The following KMT2C variants were observed in gnomAD, a reference collection of about 807,000 sequenced individuals.
The protein encoded by KMT2C is lysine methyltransferase 2C.
Under a neutral mutation model 507.9 loss-of-function variants are expected in KMT2C, and 88 were observed. That is an observed-to-expected ratio of 0.17 (90% CI 0.15 to 0.21). The LOEUF is 0.21. Among genes scored for constraint, KMT2C ranks in the 10% least tolerant of loss-of-function variants. KMT2C has a pLI of 1.00. For missense variants in KMT2C, 4,954 were observed against 5,957.8 expected (o/e 0.83, Z 5.55); for synonymous variants, 2,049 against 2,080.8 (o/e 0.98, Z 0.42).
At chr7:152,226,368 G>A (rs1263619650) in intron 18 of KMT2C, among the ~76,000 whole-genome samples, 2 of 151,782 alleles carry the variant, frequency 1.3e-5, no homozygotes, top group East Asian at 3.9e-4. Flanking sequence ...GAGTAACTAG[G>A]ACTACAGGAA....
rs75249441 is a variant in KMT2C, at chr7:152,196,787, G to A, written c.4274-776C>T. Among the ~76,000 whole-genome samples, 1,300 of 152,246 alleles carry A rather than the reference G, an allele frequency of 8.5e-3. 20 individuals carry two copies. The highest frequency in any genetic ancestry group is 0.03 in the African/African-American group (1,253 of 41,558). ...TGACTGAGCATAAAACTAAATGAGG[G>A]AGTAAGTTATATGCACAAAGATGGA... On this transcript the variant is annotated intron_variant, in intron 27 of 58. Transcript: ENST00000262189.
chr7:152,175,479 C>G (rs544495912), intron 38 of KMT2C, among the ~76,000 whole-genome samples: 4 of 151,738 alleles, frequency 2.6e-5, no homozygotes, highest in Non-Finnish European at 5.9e-5. Context: ...GCCCCCCACC[C>G]CCGACAGGTT....
intron 6 of KMT2C, among the ~76,000 whole-genome samples, chr7:152,276,825 T>A (rs1352346662): frequency 2.0e-5 from 3 of 151,966 alleles, no homozygotes; most frequent in Non-Finnish European, 2.9e-5. Flanking sequence ...ATAATGAAAA[T>A]TCCTAGACAG....
chr7:152,271,491 G>A (rs1002892434), intron 7 of KMT2C, among the ~76,000 whole-genome samples: 2 of 151,952 alleles, frequency 1.3e-5, no homozygotes, highest in African/African-American at 4.8e-5. Flanking sequence ...AGCCAACACA[G>A]TGAAACCCTG....
intron 1 of KMT2C, among the ~76,000 whole-genome samples, chr7:152,404,630 T>TGAAAAAA (rs113947433): frequency 0.013 from 591 of 46,030 alleles, no homozygotes; most frequent in East Asian, 0.053. Context: ...GACTCAGGTC[T>TGAAAAAA]CAAAAAAAAA....
chr7:152,196,091 C>A, intron 27 of KMT2C, 80 bp from the exon 28 acceptor site: 1 of 679,434 alleles, frequency 1.5e-6, no homozygotes, highest in Non-Finnish European at 2.3e-6. Context: ...TAGAGTACAG[C>A]AGATACTGAG....
chr7:152,374,036 G>A (rs2097310333), intron 1 of KMT2C, among the ~76,000 whole-genome samples: 1 of 152,160 alleles, frequency 6.6e-6, no homozygotes, highest in Non-Finnish European at 1.5e-5. Flanking sequence ...CTACTGGTCA[G>A]GCCTGGTAGC....
chr7:152,256,981 G>A (rs1438251951), intron 9 of KMT2C, among the ~76,000 whole-genome samples: 1 of 152,184 alleles, frequency 6.6e-6, no homozygotes, highest in Non-Finnish European at 1.5e-5. Flanking sequence ...GTACACTCCT[G>A]AGGCAATAAT....
Position 152,425,763 on chromosome 7 carries a change from G to T in KMT2C, c.161+9863C>A, listed in dbSNP as rs1350884421. Reference sequence around the variant, plus strand: ...AGGAAATCAAGGAAATTCTTTTTTTGCTAGGCTCCACTAAAAGAACACCAC... The same window carrying T: ...AGGAAATCAAGGAAATTCTTTTTTTTCTAGGCTCCACTAAAAGAACACCAC... On this transcript the variant is annotated intron_variant, in intron 1 of 58. Coordinates refer to ENST00000262189, the MANE Select transcript of KMT2C (RefSeq NM_170606.3). 2.0e-5 allele frequency among the ~76,000 whole-genome samples: 3 copies of T among 151,752 alleles called. No individual in the cohort carries two copies. The East Asian group carries it at 5.8e-4, about 29-fold the overall frequency.
At chr7:152,239,641 A>T (rs2095348411) in intron 14 of KMT2C, among the ~76,000 whole-genome samples, 1 of 152,200 alleles carries the variant, frequency 6.6e-6, no homozygotes. Flanking sequence ...CACATTCAGC[A>T]ATACCCTGAA....
chr7:152,174,214 C>T lies in KMT2C; in HGVS notation c.9291G>A (p.Met3097Ile), dbSNP rs747180312. The change falls in exon 39 of 59, where the codon ATG becomes ATA. Residue 3097 changes from methionine to isoleucine, a missense_variant. Physicochemically the swap from Met to Ile is conservative, Grantham distance 10. Transcript: ENST00000262189. ...CTTTAAGGGCCACCATTTTGGCTTT[C>T]ATTATAGGATCTGTAATTGCATCAA... is the stretch of plus-strand genomic sequence containing the variant. ...IDFDAITDPIMKAKMVALKGI... is the reference protein window; with the variant it reads ...IDFDAITDPIIKAKMVALKGI... The T allele has an allele frequency of 1.9e-6, 3 of 1,600,272 alleles. No homozygotes were observed. The South Asian group carries it at 3.3e-5, about 18-fold the overall frequency.
At chr7:152,320,094 A>G (rs771466095) in intron 3 of KMT2C, among the ~76,000 whole-genome samples, 7 of 152,110 alleles carry the variant, frequency 4.6e-5, no homozygotes, top group African/African-American at 7.2e-5. Flanking sequence ...TCGTCTCCGC[A>G]CACGGGGAGA....
intron 3 of KMT2C, among the ~76,000 whole-genome samples, chr7:152,320,256 T>C (rs1455900739): frequency 6.6e-6 from 1 of 152,166 alleles, no homozygotes; most frequent in Non-Finnish European, 1.5e-5. Flanking sequence ...CATTTTGTTT[T>C]TGTTTTTTTT....
rs1588948776 is a variant in KMT2C, at chr7:152,290,274, A to G, written c.850-16407T>C. On this transcript the variant is annotated intron_variant, in intron 6 of 58. Coordinates refer to ENST00000262189, the MANE Select transcript of KMT2C (RefSeq NM_170606.3). ...TGTGTATGTGTATATATATATATAT[A>G]TATATATATATATATATATATTTTT... Among the ~76,000 whole-genome samples the G allele has an allele frequency of 1.5e-3, 39 of 25,204 alleles. 3 individuals carry two copies. The highest frequency in any genetic ancestry group is 5.2e-3 in the African/African-American group (25 of 4,824). 16.5% of individuals were successfully genotyped at this position (25,204 alleles called of 152,430 possible). A position where few individuals can be genotyped will look rare whatever the true frequency, so the allele number is the denominator to read the frequency against.
chr7:152,166,793 T>C (rs1473667441), intron 42 of KMT2C, among the ~76,000 whole-genome samples: 1 of 152,168 alleles, frequency 6.6e-6, no homozygotes, highest in African/African-American at 2.4e-5. Flanking sequence ...ATACTCTCAA[T>C]GATGTATAAC....
At chr7:152,375,355 A>G (rs1446700242) in intron 1 of KMT2C, among the ~76,000 whole-genome samples, 1 of 151,314 alleles carries the variant, frequency 6.6e-6, no homozygotes, top group East Asian at 2.0e-4. Flanking sequence ...TTTTTTTAAA[A>G]TAGCAAAGGC....
intron 6 of KMT2C, among the ~76,000 whole-genome samples, chr7:152,301,305 C>T (rs1304177160): frequency 6.6e-6 from 1 of 151,540 alleles, no homozygotes; most frequent in African/African-American, 2.4e-5. Context: ...GAGTTCGAGA[C>T]CAGCCTGGCC....
chr7:152,209,937 GCAGAAGT>G (rs1367984595), intron 23 of KMT2C, among the ~76,000 whole-genome samples: 1 of 152,088 alleles, frequency 6.6e-6, no homozygotes, highest in African/African-American at 2.4e-5. Flanking sequence ...TTAATTATCT[GCAGAAGT>G]CATACTCCCT....
rs191277749 is a variant in KMT2C, at chr7:152,223,753, T to C, written c.3323+262A>G. Among the ~76,000 whole-genome samples, 247 of 152,202 alleles carry C rather than the reference T, an allele frequency of 1.6e-3. 2 individuals are homozygous for C. Among genetic ancestry groups the C allele is most frequent in the Admixed American group, 4.0e-3 (61 of 15,298 alleles). ...AGGTGGAGGTTGCAGTGAGCCAAGATAGCGCCACTGCACTCCAGCCTGGTG... is the reference window on the plus strand; with the variant it reads ...AGGTGGAGGTTGCAGTGAGCCAAGACAGCGCCACTGCACTCCAGCCTGGTG... On this transcript the variant is annotated intron_variant, in intron 20 of 58. Transcript: ENST00000262189.
Sources: allele counts gnomAD v4.1 joint callset (sites outside exome capture counted in the v4.1 genomes callset), GRCh38; gene constraint gnomAD v4.1.1; transcripts MANE v1.5; gene names NCBI Gene and HGNC (gene_info 2026-07-23, HGNC 2026-07-21).